Variants in PPP2R2C observed in about 807,000 individuals in gnomAD.
PPP2R2C encodes protein phosphatase 2, regulatory subunit B, gamma.
In PPP2R2C, 10 loss-of-function variants were observed where a neutral mutation model predicts 45.3. That is an observed-to-expected ratio of 0.22 (90% confidence interval 0.14 to 0.37). The LOEUF is 0.37. Among genes scored for constraint, PPP2R2C ranks in the 10% least tolerant of loss-of-function variants. PPP2R2C has a pLI of 1.00. For synonymous variants in PPP2R2C, 257 were observed against 245.4 expected, an observed-to-expected ratio of 1.05 and a Z score of -0.44; for missense variants, 308 against 619.7, an observed-to-expected ratio of 0.50 and a Z score of 5.34.
chr4:6,497,722 C>T (rs1037048307), intron 2 of PPP2R2C, among the ~76,000 whole-genome samples: 1 of 152,180 alleles, frequency 6.6e-6, no homozygotes, highest in Non-Finnish European at 1.5e-5. Context: ...AGGGAGAATG[C>T]ATTTGCCACA....
At chr4:6,401,277 G>C (rs1220949989) in intron 1 of PPP2R2C, among the ~76,000 whole-genome samples, 4 of 151,998 alleles carry the variant, frequency 2.6e-5, no homozygotes, top group Non-Finnish European at 5.9e-5. Flanking sequence ...AAGCAGTTTC[G>C]CCAAAGCAAC....
intron 2 of PPP2R2C, among the ~76,000 whole-genome samples, chr4:6,509,608 G>C (rs766946968): frequency 1.6e-4 from 25 of 152,286 alleles, no homozygotes; most frequent in South Asian, 8.3e-4. Context: ...GGCTGTGTCT[G>C]CCTCTAGTCC....
At chr4:6,443,807 T>C (rs1002185102) in intron 1 of PPP2R2C, among the ~76,000 whole-genome samples, 2 of 148,840 alleles carry the variant, frequency 1.3e-5, no homozygotes, top group Admixed American at 6.7e-5. Flanking sequence ...GAGCATCTGG[T>C]CCAAGGGCTG....
chr4:6,530,157 C>T (rs1412637952), intron 2 of PPP2R2C, among the ~76,000 whole-genome samples: 1 of 152,152 alleles, frequency 6.6e-6, no homozygotes, highest in East Asian at 1.9e-4. Flanking sequence ...TTAGCACCGC[C>T]CATGGAATAT....
Position 6,378,558 on chromosome 4 carries a change from G to C in PPP2R2C, c.183C>G (p.Pro61=). The C allele has an allele frequency of 6.2e-7, 1 of 1,613,766 alleles. No individual in the cohort carries two copies. The highest frequency in any genetic ancestry group is 8.5e-7 in the Non-Finnish European group (1 of 1,179,792). ...ACACGTCGTATTCGCCCTGGCTGTG[G>C]GGCGCATTTTTACTCTGCAGGGAAA... ...FQREPESKNA[P]HSQGEYDVYS... Residue 61 remains proline (P), a synonymous_variant, in exon 3 of 9, where the codon CCC becomes CCG. Transcript: ENST00000382599. The surrounding 1 kb of genome is among the most constrained non-coding windows in gnomAD (Gnocchi z 5.2).
chr4:6,407,190 T>C (rs938767645), intron 1 of PPP2R2C, among the ~76,000 whole-genome samples: 8 of 152,214 alleles, frequency 5.3e-5, no homozygotes, highest in Non-Finnish European at 1.0e-4. Context: ...CGTGTGATAA[T>C]ATGTTATGGC....
intron 1 of PPP2R2C, among the ~76,000 whole-genome samples, chr4:6,456,312 C>G (rs866105998): frequency 7.5e-5 from 11 of 147,070 alleles, no homozygotes; most frequent in East Asian, 2.2e-4. Context: ...TTATTTCCCC[C>G]CCCCCCCTTT....
chr4:6,375,706 C>T (rs557417570), intron 4 of PPP2R2C, 113 bp downstream of exon 4: 41 of 904,178 alleles, frequency 4.5e-5, no homozygotes, highest in Non-Finnish European at 6.5e-5. Flanking sequence ...CAGCCAGCAG[C>T]CCAACCAGGG....
chr4:6,512,511 GTT>G (rs1723670081), intron 2 of PPP2R2C, among the ~76,000 whole-genome samples: 3 of 54,456 alleles, frequency 5.5e-5, no homozygotes, highest in Non-Finnish European at 1.2e-4. Flanking sequence ...TGGTGGTGAT[GTT>G]GGTGGTGGTG....
chr4:6,474,228 A>C (rs1577210363), upstream of PPP2R2C, among the ~76,000 whole-genome samples: 4 of 76,746 alleles, frequency 5.2e-5, no homozygotes, highest in Admixed American at 1.5e-4. Context: ...CCAGCCCCCC[A>C]CTCTCTGTCC....
chr4:6,355,972 G>A (rs1372874166), intron 5 of PPP2R2C, among the ~76,000 whole-genome samples: 1 of 142,084 alleles, frequency 7.0e-6, no homozygotes, highest in Non-Finnish European at 1.5e-5. Flanking sequence ...CGGCCTGGGT[G>A]ACAGAGTGAG....
intron 6 of PPP2R2C, among the ~76,000 whole-genome samples, chr4:6,342,255 C>T (rs750612257): frequency 9.9e-5 from 15 of 152,040 alleles, no homozygotes; most frequent in Non-Finnish European, 2.1e-4. Flanking sequence ...GGTAATGCTC[C>T]CCACCAACAG....
chr4:6,484,341 T>C (rs1466613714), intron 2 of PPP2R2C, among the ~76,000 whole-genome samples: 1 of 152,012 alleles, frequency 6.6e-6, no homozygotes, highest in Admixed American at 6.5e-5. Flanking sequence ...CCTTGATCTG[T>C]TAATCTATCT....
In PPP2R2C at chr4:6,324,714, T is replaced by C. The variant is rs1018928518; in HGVS notation, c.1053-1121A>G. ...TCCCGCTAAAGAGAATTCCACACCA[T>C]TTCTCTGCTCTCCCTGCTCCTAAGG... On this transcript the variant is annotated intron_variant, in intron 8 of 8. Transcript: ENST00000382599. This position sits in a 1 kb window ranked among gnomAD's most constrained non-coding sequence, Gnocchi z 4.1. Among the ~76,000 whole-genome samples the C allele has an allele frequency of 1.3e-5, 2 of 152,166 alleles. No homozygotes were observed. Among genetic ancestry groups the C allele is most frequent in the Non-Finnish European group, 2.9e-5 (2 of 68,030 alleles).
intron 1 of PPP2R2C, among the ~76,000 whole-genome samples, chr4:6,408,331 C>G (rs970189779): frequency 1.3e-5 from 2 of 152,170 alleles, no homozygotes; most frequent in African/African-American, 4.8e-5. Context: ...CCTCCCCTTC[C>G]CTGGCGCCTA....
chr4:6,455,991 G>C lies in PPP2R2C; in HGVS notation c.70+16169C>G, dbSNP rs188601519. On this transcript the variant is annotated intron_variant, in intron 1 of 8. Coordinates refer to ENST00000382599, the MANE Select transcript of PPP2R2C (RefSeq NM_020416.4). The stretch of plus-strand genomic sequence containing the variant: ...GTCTCCCTCATTCCAGAAATCCTGG[G>C]GGGGGGGAGCTGCGCCCTATTCCTT... Among the ~76,000 whole-genome samples the C allele has an allele frequency of 9.1e-3, 1,331 of 146,344 alleles. 10 individuals are homozygous for C. Among genetic ancestry groups the C allele is most frequent in the African/African-American group, 0.031 (1,239 of 40,122 alleles).
chr4:6,395,447 T>C (rs1716955741), intron 1 of PPP2R2C, among the ~76,000 whole-genome samples: 1 of 152,154 alleles, frequency 6.6e-6, no homozygotes, highest in South Asian at 2.1e-4. Flanking sequence ...CCACCCGGTG[T>C]CCAGGGTAAG....
chr4:6,433,112 T>A (rs906638583), intron 1 of PPP2R2C, among the ~76,000 whole-genome samples: 2 of 152,156 alleles, frequency 1.3e-5, no homozygotes, highest in Non-Finnish European at 2.9e-5. Flanking sequence ...TTTTTGGAAG[T>A]CCAATCAAGA....
At chr4:6,518,557 C>T (rs989959713) in intron 2 of PPP2R2C, among the ~76,000 whole-genome samples, 15 of 152,096 alleles carry the variant, frequency 9.9e-5, no homozygotes, top group Admixed American at 6.5e-5. Context: ...GATGAAATGC[C>T]AATTCCTTAA....
Sources: allele counts gnomAD v4.1 joint callset (sites outside exome capture counted in the v4.1 genomes callset), GRCh38; gene constraint gnomAD v4.1.1; non-coding constraint Gnocchi (gnomAD v3.1); transcripts MANE v1.5; gene names NCBI Gene and HGNC (gene_info 2026-07-23, HGNC 2026-07-21).